Variants in GNG7 observed in about 807,000 individuals in gnomAD.
GNG7 encodes the protein guanine nucleotide-binding protein G(I)/G(S)/G(O) subunit gamma-7.
A neutral mutation model predicts 4.0 loss-of-function variants in GNG7; 1 was observed. The observed-to-expected ratio is 0.25, with a 90% CI of 0.09 to 1.18. The LOEUF is 1.18. GNG7 is among the 50% of genes most tolerant of loss of function. GNG7 has a pLI of 0.50. For synonymous variants in GNG7, 34 were observed against 36.9 expected, an observed-to-expected ratio of 0.92 and a Z score of 0.29; for missense variants, 86 against 91.9, an observed-to-expected ratio of 0.94 and a Z score of 0.26.
chr19:2,532,712 A>G (rs1442622972), intron 3 of GNG7, among the ~76,000 whole-genome samples: 1 of 152,236 alleles, frequency 6.6e-6, no homozygotes, highest in African/African-American at 2.4e-5. Context: ...ATGATTAGTC[A>G]TGAAGGAAAT....
At chr19:2,656,110 G>T (rs1339483294) in intron 1 of GNG7, among the ~76,000 whole-genome samples, 1 of 151,620 alleles carries the variant, frequency 6.6e-6, no homozygotes, top group East Asian at 1.9e-4. Flanking sequence ...TGTGCTGTTG[G>T]TGGGAATGTA....
chr19:2,677,188 G>A (rs910986703), intron 1 of GNG7, among the ~76,000 whole-genome samples: 1 of 152,070 alleles, frequency 6.6e-6, no homozygotes, highest in African/African-American at 2.4e-5. Flanking sequence ...CGCTGAGCTC[G>A]GTGTTGGAGC....
chr19:2,684,309 G>C (rs2144902821), intron 1 of GNG7, among the ~76,000 whole-genome samples: 1 of 151,848 alleles, frequency 6.6e-6, no homozygotes, highest in East Asian at 2.0e-4. Flanking sequence ...GATAATTTTT[G>C]TATTTTTAGT....
intron 3 of GNG7, among the ~76,000 whole-genome samples, chr19:2,529,066 A>T (rs1978503467): frequency 6.6e-6 from 1 of 152,150 alleles, no homozygotes; most frequent in African/African-American, 2.4e-5. Flanking sequence ...TGCAGCAGGG[A>T]ATTGCAACAG....
intron 3 of GNG7, 38 bp from the exon 4 acceptor site, chr19:2,520,763 G>A: frequency 1.1e-6 from 1 of 928,168 alleles, no homozygotes. Flanking sequence ...CAAAGTTCAG[G>A]TCAGGCCTCT....
intron 1 of GNG7, among the ~76,000 whole-genome samples, chr19:2,673,495 C>A (rs1368023702): frequency 6.7e-6 from 1 of 149,184 alleles, no homozygotes; most frequent in African/African-American, 2.6e-5. Flanking sequence ...GAATTCGAGA[C>A]CAGCCTGGCC....
At chr19:2,553,492 T>TTATATGTACATCTCATTACA in intron 3 of GNG7, among the ~76,000 whole-genome samples, 1 of 147,104 alleles carries the variant, frequency 6.8e-6, no homozygotes, top group East Asian at 2.0e-4. Flanking sequence ...ATATTATATT[T>TTATATGTACATCTCATTACA]TATATGTACA....
intron 1 of GNG7, among the ~76,000 whole-genome samples, chr19:2,684,423 C>T (rs1412699593): frequency 1.3e-5 from 2 of 151,706 alleles, no homozygotes; most frequent in African/African-American, 4.8e-5. Context: ...GCGTGAGCCA[C>T]CGTGCCCGGC....
intron 2 of GNG7, among the ~76,000 whole-genome samples, chr19:2,639,223 G>C (rs1326165147): frequency 1.4e-5 from 2 of 142,806 alleles, no homozygotes; most frequent in Non-Finnish European, 3.0e-5. Flanking sequence ...AACAGAGTGA[G>C]ACTCTGTCAA....
At chr19:2,535,312 A>T (rs1906397434) in intron 3 of GNG7, among the ~76,000 whole-genome samples, 2 of 131,418 alleles carry the variant, frequency 1.5e-5, no homozygotes, top group Non-Finnish European at 3.2e-5. Context: ...AACATGGCAA[A>T]ACCTTGACTC....
Position 2,511,850 on chromosome 19 carries a change from G to A in GNG7, c.*3172C>T, listed in dbSNP as rs1972660255. The A allele has an allele frequency of 2.0e-6, 2 of 986,070 alleles. No homozygotes were observed. The highest frequency in any genetic ancestry group is 4.7e-5 in the South Asian group (1 of 21,304). 61.1% of individuals were successfully genotyped at this position (986,070 alleles called of 1,614,324 possible). A position where few individuals can be genotyped will look rare whatever the true frequency, so the allele number is the denominator to read the frequency against. ...GTGCTTGGCCTGGGGTTACCCCTGG[G>A]GAGGGTGGGAGAGGGGTGAGGGTTC... is the stretch of plus-strand genomic sequence containing the variant. On this transcript the variant is annotated 3_prime_UTR_variant, in exon 5 of 5. Coordinates refer to ENST00000382159, the MANE Select transcript of GNG7 (RefSeq NM_052847.3). This position sits in a 1 kb window ranked among gnomAD's most constrained non-coding sequence, Gnocchi z 6.3.
chr19:2,576,527 TTTTA>T (rs1280305207), intron 2 of GNG7, among the ~76,000 whole-genome samples: 1 of 151,972 alleles, frequency 6.6e-6, no homozygotes, highest in African/African-American at 2.4e-5. Context: ...ACTTGGTCTT[TTTTA>T]TTTTATTATG....
intron 3 of GNG7, among the ~76,000 whole-genome samples, chr19:2,536,476 T>G (rs1375218263): frequency 6.6e-6 from 1 of 151,982 alleles, no homozygotes; most frequent in Non-Finnish European, 1.5e-5. Flanking sequence ...TTTTTGAAAC[T>G]GAAGCCACAT....
chr19:2,580,889 C>T (rs546597238), intron 2 of GNG7, among the ~76,000 whole-genome samples: 2 of 152,154 alleles, frequency 1.3e-5, no homozygotes, highest in Non-Finnish European at 2.9e-5. Flanking sequence ...CTCAGCCTCC[C>T]GAGTAGCTGG....
At chr19:2,638,690 C>G (rs923479553) in intron 2 of GNG7, among the ~76,000 whole-genome samples, 12 of 148,396 alleles carry the variant, frequency 8.1e-5, no homozygotes, top group Non-Finnish European at 1.8e-4. Context: ...GCCAGGAGCA[C>G]CCCCCAGTCG....
At chr19:2,603,362 G>C (rs952752231) in intron 2 of GNG7, among the ~76,000 whole-genome samples, 1 of 152,242 alleles carries the variant, frequency 6.6e-6, no homozygotes, top group Non-Finnish European at 1.5e-5. Flanking sequence ...GCCGTGCCCG[G>C]CCTAAAGCTG....
chr19:2,612,932 T>C (rs997772905), intron 2 of GNG7, among the ~76,000 whole-genome samples: 3 of 152,024 alleles, frequency 2.0e-5, no homozygotes, highest in Non-Finnish European at 4.4e-5. Context: ...CCTCAGGTGA[T>C]CCGTCCGCCT....
intron 2 of GNG7, among the ~76,000 whole-genome samples, chr19:2,593,003 A>G (rs1370562533): frequency 6.8e-6 from 1 of 147,484 alleles, no homozygotes; most frequent in East Asian, 2.0e-4. Flanking sequence ...AGGGGAAAGG[A>G]GAAGGGAAAA....
intron 3 of GNG7, chr19:2,538,076 CAAACAAAACA>C (rs71337145): frequency 3.7e-4 from 160 of 433,528 alleles, no homozygotes; most frequent in Non-Finnish European, 4.6e-4. Flanking sequence ...GACTCTCTCT[CAAACAAAACA>C]AAACAAAACA....
Sources: gnomAD v4.1 joint callset for allele counts (sites outside exome capture counted in the v4.1 genomes callset) on GRCh38, gnomAD v4.1.1 for gene constraint, Gnocchi (gnomAD v3.1) non-coding constraint, MANE v1.5 for transcripts, NCBI Gene and HGNC (gene_info 2026-07-23, HGNC 2026-07-21) for gene names.